Variants in ZMYND11 observed in about 807,000 individuals in gnomAD.
ZMYND11 encodes zinc finger MYND domain-containing protein 11.
Under a neutral mutation model 84.9 loss-of-function variants are expected in ZMYND11, and 9 were observed. That is an observed-to-expected ratio of 0.11 (90% CI 0.06 to 0.18). The LOEUF is 0.18. ZMYND11 is among the 10% of genes least tolerant of loss of function. The pLI, the probability that ZMYND11 is intolerant of heterozygous loss-of-function variation, is 1.00. For synonymous variants in ZMYND11, 250 were observed against 244.1 expected (o/e 1.02, Z -0.23); for missense variants, 409 against 761.0 (o/e 0.54, Z 5.44).
chr10:191,641 T>G (rs1035044072), intron 2 of ZMYND11, among the ~76,000 whole-genome samples: 1 of 152,234 alleles, frequency 6.6e-6, no homozygotes, highest in Admixed American at 6.5e-5. Context: ...TTGAAATATT[T>G]GTTTGCCATG....
At chr10:231,236 C>T (rs1306575235) in intron 4 of ZMYND11, among the ~76,000 whole-genome samples, 1 of 152,308 alleles carries the variant, frequency 6.6e-6, no homozygotes, top group Middle Eastern at 3.4e-3. Context: ...TGCTTCTTGA[C>T]TTTTGGTCTA....
At chr10:188,089 A>T (rs1163703261) in intron 2 of ZMYND11, among the ~76,000 whole-genome samples, 1 of 152,204 alleles carries the variant, frequency 6.6e-6, no homozygotes, top group Non-Finnish European at 1.5e-5. Flanking sequence ...GCACATATGA[A>T]TTAATCAGTT....
rs529313865 is a variant in ZMYND11, at chr10:156,139, A to G, written c.-20+20580A>G. 2.6e-5 allele frequency among the ~76,000 whole-genome samples: 4 copies of G among 152,278 alleles called. No homozygotes were observed. The South Asian group carries it at 8.3e-4, about 32-fold the overall frequency. ...GGATACTATGGGTTTCAACTGGGTA[A>G]AGGCCAGGGATGCTGCTGAACATCT... On this transcript the variant is annotated intron_variant, in intron 1 of 14. Coordinates refer to ENST00000381604, the MANE Select transcript of ZMYND11 (RefSeq NM_001370100.5).
intron 2 of ZMYND11, among the ~76,000 whole-genome samples, chr10:186,515 C>G (rs1275845822): frequency 6.6e-6 from 1 of 151,730 alleles, no homozygotes; most frequent in Non-Finnish European, 1.5e-5. Flanking sequence ...GTGGCGCACG[C>G]CTGTAGTCCC....
chr10:170,464 A>G (rs149443163), intron 1 of ZMYND11, among the ~76,000 whole-genome samples: 482 of 91,288 alleles, frequency 5.3e-3, no homozygotes, highest in African/African-American at 0.018. Flanking sequence ...GTGCGTGCTT[A>G]TGGGTAAGTA....
chr10:225,299 A>AT (rs1947914662), intron 4 of ZMYND11, among the ~76,000 whole-genome samples: 1 of 152,046 alleles, frequency 6.6e-6, no homozygotes, highest in African/African-American at 2.4e-5. Context: ...CTATTTGTCA[A>AT]TTTTTTGTTG....
intron 1 of ZMYND11, among the ~76,000 whole-genome samples, chr10:140,381 T>C (rs1474874119): frequency 2.0e-5 from 3 of 152,220 alleles, no homozygotes; most frequent in African/African-American, 7.2e-5. Flanking sequence ...GCTGTTACTG[T>C]TTTTCCATTA....
intron 1 of ZMYND11, among the ~76,000 whole-genome samples, chr10:138,327 G>T (rs1836648832): frequency 1.3e-5 from 2 of 152,008 alleles, no homozygotes; most frequent in African/African-American, 4.8e-5. Context: ...TGCCATGTTG[G>T]CCAGGTCTCA....
intron 2 of ZMYND11, among the ~76,000 whole-genome samples, chr10:187,600 A>G (rs538056994): frequency 9.3e-5 from 14 of 151,078 alleles, no homozygotes; most frequent in Non-Finnish European, 1.3e-4. Context: ...CGCCACTGCA[A>G]TCCGGCCTGG....
At chr10:134,889 G>C (rs1472603558), upstream of ZMYND11, 1 of 151,620 alleles carries the variant, frequency 6.6e-6, no homozygotes, top group Non-Finnish European at 1.5e-5. Context: ...AGGACGTGGG[G>C]AAGGTAGGAG....
At chr10:242,578 T>TAAGCCATAATAGGAATAAA (rs1951224615) in intron 10 of ZMYND11, among the ~76,000 whole-genome samples, 1 of 152,208 alleles carries the variant, frequency 6.6e-6, no homozygotes, top group Non-Finnish European at 1.5e-5. Flanking sequence ...TGCGTGGAAA[T>TAAGCCATAATAGGAATAAA]AAGCCATAAT....
At chr10:238,457 C>T (rs1012007954) in intron 6 of ZMYND11, among the ~76,000 whole-genome samples, 18 of 151,996 alleles carry the variant, frequency 1.2e-4, no homozygotes, top group Non-Finnish European at 2.1e-4. Flanking sequence ...CCCGGGTTCA[C>T]GCCATTCTCC....
intron 4 of ZMYND11, among the ~76,000 whole-genome samples, chr10:235,822 C>T (rs1179025418): frequency 6.6e-6 from 1 of 152,202 alleles, no homozygotes; most frequent in Non-Finnish European, 1.5e-5. Flanking sequence ...TTTAGTTTCT[C>T]ACTAATAAAA....
intron 1 of ZMYND11, among the ~76,000 whole-genome samples, chr10:139,704 CTTTT>C (rs67915368): frequency 5.0e-5 from 4 of 80,238 alleles, no homozygotes; most frequent in African/African-American, 2.0e-4. Context: ...ACACATGGTC[CTTTT>C]TTTTTTTTTT....
rs756611638 is a variant in ZMYND11 at position 244,371 on chromosome 10, G to T, written c.950+2232G>T. On this transcript the variant is annotated intron_variant, in intron 10 of 14. Transcript: ENST00000381604. ...TTTTGTACCATTCCCTCCTAGACACGCAAATAGAATATGCTGCTCGTCGGA... is the reference window on the plus strand; with the variant it reads ...TTTTGTACCATTCCCTCCTAGACACTCAAATAGAATATGCTGCTCGTCGGA... The T allele has an allele frequency of 3.3e-5, 5 of 152,170 alleles. No individual in the cohort carries two copies. The East Asian group carries it at 9.6e-4, about 29-fold the overall frequency. The allele number at this position is 152,170 out of a possible 1,614,324, so 9.4% of individuals were successfully genotyped here.
intron 1 of ZMYND11, among the ~76,000 whole-genome samples, chr10:160,243 A>G (rs1042415213): frequency 6.6e-6 from 1 of 152,252 alleles, no homozygotes; most frequent in Non-Finnish European, 1.5e-5. Flanking sequence ...GATAAAAGTT[A>G]TGTTTACACT....
At chr10:234,981 A>AGTGTGT (rs1949687637) in intron 4 of ZMYND11, among the ~76,000 whole-genome samples, 1 of 62,828 alleles carries the variant, frequency 1.6e-5, no homozygotes, top group African/African-American at 6.2e-5. Flanking sequence ...GTATTTCGCA[A>AGTGTGT]ATGTGTGTGT....
chr10:146,904 T>G (rs1588428727), intron 1 of ZMYND11, among the ~76,000 whole-genome samples: 1 of 152,256 alleles, frequency 6.6e-6, no homozygotes, highest in African/African-American at 2.4e-5. Context: ...AGACATGCCT[T>G]TGCTCCTCCT....
intron 2 of ZMYND11, among the ~76,000 whole-genome samples, chr10:191,013 G>C (rs1339248746): frequency 6.6e-6 from 1 of 151,992 alleles, no homozygotes; most frequent in African/African-American, 2.4e-5. Context: ...TTCTATCTTT[G>C]TATCTTAGTG....
Sources: allele counts gnomAD v4.1 joint callset (sites outside exome capture counted in the v4.1 genomes callset), GRCh38; gene constraint gnomAD v4.1.1; transcripts MANE v1.5; gene names NCBI Gene and HGNC (gene_info 2026-07-23, HGNC 2026-07-21).